OCA2: variants seen among roughly 807,000 people sequenced by gnomAD.
OCA2 encodes the protein P protein.
OCA2 carries 77 observed loss-of-function variants against 100.2 expected under a neutral mutation model. The ratio of observed to expected loss-of-function variants is 0.77; its 90% confidence interval spans 0.64 to 0.93. The LOEUF (loss-of-function observed/expected upper bound fraction) is 0.93. OCA2 is among the 40% of genes least tolerant of loss of function. The pLI, the probability that OCA2 is intolerant of heterozygous loss-of-function variation, is 0.00. For missense variants in OCA2, 1,062 were observed against 1,089.1 expected, an observed-to-expected ratio of 0.98 and a Z score of 0.35; for synonymous variants, 432 against 439.2, an observed-to-expected ratio of 0.98 and a Z score of 0.21.
intron 23 of OCA2, among the ~76,000 whole-genome samples, chr15:27,757,459 G>A (rs1345425676): frequency 6.6e-6 from 1 of 152,174 alleles, no homozygotes; most frequent in Non-Finnish European, 1.5e-5. Flanking sequence ...GCATATAGTA[G>A]GGAACTTGAC....
rs1157014505 is a variant in OCA2, at chr15:27,770,853, CCTTT to C, written c.2433-15385_2433-15382del. ...TCCTTCCTCCCTCTTTTCCTTCCTT[CCTTT>C]CTTCCTTCCTTCCCTCCTTCCTTTG... On this transcript the variant is annotated intron_variant, in intron 23 of 23. Coordinates refer to ENST00000354638, the MANE Select transcript of OCA2 (RefSeq NM_000275.3). Among the ~76,000 whole-genome samples the C allele has an allele frequency of 9.0e-4, 91 of 101,538 alleles. 1 individual carries two copies. Among genetic ancestry groups the C allele is most frequent in the African/African-American group, 5.1e-3 (86 of 16,798 alleles). 66.6% of individuals were successfully genotyped at this position (101,538 alleles called of 152,430 possible). A position where few individuals can be genotyped will look rare whatever the true frequency, so the allele number is the denominator to read the frequency against.
chr15:28,035,755 A>T (rs2043028942), intron 2 of OCA2, among the ~76,000 whole-genome samples: 2 of 151,182 alleles, frequency 1.3e-5, no homozygotes, highest in Non-Finnish European at 2.9e-5. Context: ...AACTCTGTAT[A>T]TACATTTACA....
At chr15:27,968,298 G>A (rs1177920350) in intron 14 of OCA2, among the ~76,000 whole-genome samples, 3 of 152,162 alleles carry the variant, frequency 2.0e-5, no homozygotes, top group Admixed American at 6.6e-5. Flanking sequence ...ATGAATCACA[G>A]GTGCCACAAA....
intron 9 of OCA2, among the ~76,000 whole-genome samples, chr15:27,991,897 A>C (rs1423390530): frequency 6.6e-6 from 1 of 152,200 alleles, no homozygotes; most frequent in Non-Finnish European, 1.5e-5. Context: ...GCAAATTCTG[A>C]CTAAAATTAT....
rs2037020861 is a variant in OCA2 at position 27,881,665 on chromosome 15, T to C, written c.2080-9743A>G. ...TTCTAGTTTATTTGCATAGAGATGT[T>C]TATAGTATTCTCTGATGGTTGTTTG... On this transcript the variant is annotated intron_variant, in intron 19 of 23. Coordinates refer to ENST00000354638, the MANE Select transcript of OCA2 (RefSeq NM_000275.3). 2.0e-5 allele frequency among the ~76,000 whole-genome samples: 3 copies of C among 152,220 alleles called. No individual in the cohort carries two copies. In the South Asian group the frequency reaches 6.2e-4, roughly 31 times the overall value.
intron 23 of OCA2, among the ~76,000 whole-genome samples, chr15:27,815,703 G>C (rs17747020): frequency 0.59 from 89,727 of 152,118 alleles, 26,897 homozygotes; most frequent in South Asian, 0.77. Flanking sequence ...GTGACCACGA[G>C]TGAGTGGGAG....
intron 2 of OCA2, among the ~76,000 whole-genome samples, chr15:28,081,392 A>C (rs1047184997): frequency 6.6e-6 from 1 of 152,204 alleles, no homozygotes; most frequent in African/African-American, 2.4e-5. Context: ...AATACTTTAA[A>C]TAATATATTA....
chr15:27,726,246 C>T, the OCA2 span, among the ~76,000 whole-genome samples: 1 of 151,932 alleles, frequency 6.6e-6, no homozygotes, highest in African/African-American at 2.4e-5. Context: ...TGCAGTGAGC[C>T]AAGATCATGC....
At chr15:27,855,497 T>A (rs2035917046) in intron 21 of OCA2, among the ~76,000 whole-genome samples, 1 of 152,214 alleles carries the variant, frequency 6.6e-6, no homozygotes, top group South Asian at 2.1e-4. Context: ...GCTCAGCCCA[T>A]AAGAGGCTTG....
intron 6 of OCA2, among the ~76,000 whole-genome samples, 177 bp from the exon 7 acceptor site, chr15:28,018,734 T>G (rs965754049): frequency 3.3e-5 from 5 of 152,148 alleles, no homozygotes; most frequent in African/African-American, 9.7e-5. Context: ...ATCTCAGCCC[T>G]CATTCAAGAC....
intron 16 of OCA2, among the ~76,000 whole-genome samples, chr15:27,956,846 C>T (rs1053650138): frequency 2.9e-4 from 44 of 152,222 alleles, no homozygotes; most frequent in African/African-American, 1.1e-3. Flanking sequence ...CCTTGAGACA[C>T]CCATGCAGGG....
intron 9 of OCA2, among the ~76,000 whole-genome samples, chr15:28,013,606 C>T (rs2042300282): frequency 1.3e-5 from 2 of 152,156 alleles, no homozygotes; most frequent in Admixed American, 6.5e-5. Context: ...AGGGCAGAAA[C>T]ACCGCATATG....
chr15:27,956,602 A>G (rs1269283863), intron 16 of OCA2, among the ~76,000 whole-genome samples: 1 of 152,176 alleles, frequency 6.6e-6, no homozygotes, highest in Non-Finnish European at 1.5e-5. Flanking sequence ...TCTTTAGTTT[A>G]TGAAGCGTCT....
chr15:28,047,017 C>A (rs72625133), intron 2 of OCA2, among the ~76,000 whole-genome samples: 12,706 of 152,198 alleles, frequency 0.083, 1,528 homozygotes, highest in East Asian at 0.66. Context: ...CTGGACTCCC[C>A]TCTCCGAAAA....
chr15:28,086,077 G>A (rs367825723), intron 1 of OCA2, among the ~76,000 whole-genome samples: 36 of 152,244 alleles, frequency 2.4e-4, no homozygotes, highest in African/African-American at 8.7e-4. Context: ...GACATTCACC[G>A]TTGCTGAGTG....
In OCA2 at chr15:27,871,210, A is replaced by ACAC; in HGVS notation, c.2185_2187dup (p.Val729dup). On this transcript the variant is annotated inframe_insertion, in exon 21 of 24. Transcript: ENST00000354638. ...AGGGACGACGCCAGGGCTGAGACCC[A>ACAC]CACCACCAGGACAATGGCGGCTATG... 1 of 1,614,206 alleles carries ACAC rather than the reference A, an allele frequency of 6.2e-7. No individual in the cohort carries two copies. Among genetic ancestry groups the ACAC allele is most frequent in the Non-Finnish European group, 8.5e-7 (1 of 1,180,024 alleles).
intron 18 of OCA2, 122 bp from the exon 19 acceptor site, chr15:27,926,376 T>C (rs2039044058): frequency 9.8e-7 from 1 of 1,021,434 alleles, no homozygotes; most frequent in Non-Finnish European, 1.5e-6. Context: ...ACCGCATATA[T>C]GTAAAATGCA....
chr15:28,045,179 T>C (rs1195163405), intron 2 of OCA2, among the ~76,000 whole-genome samples: 1 of 152,224 alleles, frequency 6.6e-6, no homozygotes, highest in Non-Finnish European at 1.5e-5. Flanking sequence ...TATTGGCTTA[T>C]TAGTTATAAC....
chr15:27,844,513 C>A (rs911196330), intron 23 of OCA2, among the ~76,000 whole-genome samples: 2 of 152,108 alleles, frequency 1.3e-5, no homozygotes, highest in Non-Finnish European at 2.9e-5. Context: ...CTAATCCCAG[C>A]AATTTTTTTT....
Sources: gnomAD v4.1 joint callset for allele counts (sites outside exome capture counted in the v4.1 genomes callset) on GRCh38, gnomAD v4.1.1 for gene constraint, MANE v1.5 for transcripts, NCBI Gene and HGNC (gene_info 2026-07-23, HGNC 2026-07-21) for gene names.